Variants in HTR7 observed in about 807,000 individuals in gnomAD.
HTR7 encodes the protein 5-hydroxytryptamine receptor 7, also known as 5-HT-7.
A neutral mutation model predicts 34.0 loss-of-function variants in HTR7; 16 were observed. The ratio of observed to expected loss-of-function variants is 0.47; its 90% CI spans 0.32 to 0.71. HTR7 has a LOEUF of 0.71. HTR7 is among the 30% of genes least tolerant of loss of function. The pLI, the probability that HTR7 is intolerant of heterozygous loss-of-function variation, is 0.04. For synonymous variants in HTR7, 265 were observed against 260.2 expected, an observed-to-expected ratio of 1.02 and a Z score of -0.18; for missense variants, 504 against 625.5, an observed-to-expected ratio of 0.81 and a Z score of 2.07.
chr10:90,804,964 T>G (rs937205216), intron 1 of HTR7, among the ~76,000 whole-genome samples: 1 of 152,164 alleles, frequency 6.6e-6, no homozygotes. Flanking sequence ...GGGAGGAAAA[T>G]TTTGTTTTTC....
chr10:90,749,256 A>G lies in HTR7; in HGVS notation c.878T>C (p.Val293Ala), dbSNP rs1169247802. 6.2e-7 allele frequency: 1 copy of G among 1,614,044 alleles called. No individual in the cohort carries two copies. Among genetic ancestry groups the G allele is most frequent in the South Asian group, 1.1e-5 (1 of 91,074 alleles). ...CTCTTCCACCTCCTTCTGGAGCTTC[A>G]CTATGCCATTCAGGGCGATGACGCT... is the stretch of plus-strand genomic sequence containing the variant. ...PDSVIALNGI[V>A]KLQKEVEECA... Residue 293 changes from valine (V) to alanine (A), a missense_variant, in exon 2 of 4, where the codon GTG becomes GCG. By Grantham distance (64) the Val-to-Ala change is moderately conservative. This residue lies in a region of HTR7 where 57 missense variants were observed against 47.5 expected (regional missense o/e 1.20). Coordinates refer to ENST00000336152, the MANE Select transcript of HTR7 (RefSeq NM_019859.4). This position sits in a 1 kb window ranked among gnomAD's most constrained non-coding sequence, Gnocchi z 4.2.
At chr10:90,844,660 T>A (rs992253618) in intron 1 of HTR7, among the ~76,000 whole-genome samples, 1 of 131,566 alleles carries the variant, frequency 7.6e-6, no homozygotes, top group Non-Finnish European at 1.5e-5. Flanking sequence ...CCGGGAGGCG[T>A]AGCTTGCAGT....
intron 1 of HTR7, among the ~76,000 whole-genome samples, chr10:90,808,401 T>A (rs1845737823): frequency 6.6e-6 from 1 of 152,014 alleles, no homozygotes; most frequent in Admixed American, 6.6e-5. Flanking sequence ...TCCCAACCCC[T>A]TCTCCTTCAT....
At chr10:90,766,710 C>T (rs1433925228) in intron 1 of HTR7, among the ~76,000 whole-genome samples, 1 of 152,026 alleles carries the variant, frequency 6.6e-6, no homozygotes, top group Admixed American at 6.6e-5. Flanking sequence ...CAGGTCTTTC[C>T]TTTGTGTTTA....
intron 1 of HTR7, among the ~76,000 whole-genome samples, chr10:90,820,953 T>C (rs1295106603): frequency 1.3e-5 from 2 of 152,150 alleles, no homozygotes; most frequent in African/African-American, 2.4e-5. Flanking sequence ...TCAACCCAGT[T>C]TTACAATGTG....
intron 1 of HTR7, among the ~76,000 whole-genome samples, chr10:90,783,226 A>C (rs1845334297): frequency 6.6e-6 from 1 of 152,130 alleles, no homozygotes; most frequent in Admixed American, 6.5e-5. Flanking sequence ...TAGCCCCATG[A>C]GTGCCTGCTA....
chr10:90,776,955 G>C (rs532636290), intron 1 of HTR7, among the ~76,000 whole-genome samples: 14 of 152,248 alleles, frequency 9.2e-5, no homozygotes, highest in Admixed American at 2.6e-4. Context: ...ATTCATTATG[G>C]CATGGCAAAT....
At chr10:90,794,103 A>C (rs548027706) in intron 1 of HTR7, among the ~76,000 whole-genome samples, 31 of 152,320 alleles carry the variant, frequency 2.0e-4, no homozygotes, top group Admixed American at 2.0e-3. Flanking sequence ...CTTCAATCCA[A>C]TCAAATTGAC....
chr10:90,758,330 G>A (rs1396550814), intron 1 of HTR7, among the ~76,000 whole-genome samples: 2 of 59,632 alleles, frequency 3.4e-5, no homozygotes, highest in African/African-American at 6.9e-5. Context: ...GGGCGACAAA[G>A]CAAGGCTCTG....
chr10:90,771,268 C>T (rs1845105477), intron 1 of HTR7, among the ~76,000 whole-genome samples: 2 of 152,314 alleles, frequency 1.3e-5, no homozygotes, highest in South Asian at 4.1e-4. Flanking sequence ...CAGTAAAGCT[C>T]CTCTTCGTCT....
chr10:90,754,217 A>G lies in HTR7; in HGVS notation c.540-4623T>C, dbSNP rs1275606648. On this transcript the variant is annotated intron_variant, in intron 1 of 3. Transcript: ENST00000336152. ...TGTTTTATTTGATTAGCTTGTCAAA[A>G]GTACTTTATTAGAATACATTCATAA... is the stretch of plus-strand genomic sequence containing the variant. 2.6e-5 allele frequency among the ~76,000 whole-genome samples: 4 copies of G among 152,108 alleles called. No individual in the cohort carries two copies. In the South Asian group the frequency reaches 6.2e-4, roughly 24 times the overall value.
chr10:90,811,118 C>T (rs1025699269), intron 1 of HTR7, among the ~76,000 whole-genome samples: 3 of 152,182 alleles, frequency 2.0e-5, no homozygotes, highest in African/African-American at 7.2e-5. Context: ...CGCTCCCTGA[C>T]TCATCCCAAC....
intron 1 of HTR7, among the ~76,000 whole-genome samples, chr10:90,805,607 G>A (rs1326062677): frequency 6.6e-6 from 1 of 152,156 alleles, no homozygotes; most frequent in Non-Finnish European, 1.5e-5. Flanking sequence ...ATGTAGAGTT[G>A]CCTAGCTAAT....
intron 1 of HTR7, among the ~76,000 whole-genome samples, chr10:90,833,873 C>T (rs1846214275): frequency 6.6e-6 from 1 of 152,064 alleles, no homozygotes; most frequent in South Asian, 2.1e-4. Flanking sequence ...TCACATAATG[C>T]TATTTGAAAG....
At chr10:90,768,413 C>T (rs1845055780) in intron 1 of HTR7, among the ~76,000 whole-genome samples, 1 of 152,058 alleles carries the variant, frequency 6.6e-6, no homozygotes, top group African/African-American at 2.4e-5. Flanking sequence ...ATTGAGAAAC[C>T]TTGCTTCAAA....
intron 1 of HTR7, among the ~76,000 whole-genome samples, chr10:90,754,012 T>A (rs1340155092): frequency 6.6e-6 from 1 of 152,084 alleles, no homozygotes; most frequent in Non-Finnish European, 1.5e-5. Context: ...TTAATGATTT[T>A]AAATTTCCTC....
chr10:90,759,786 T>A (rs1255774009), intron 1 of HTR7, among the ~76,000 whole-genome samples: 1 of 149,094 alleles, frequency 6.7e-6, no homozygotes, highest in East Asian at 2.0e-4. Flanking sequence ...AAAGTAAAAA[T>A]AATATAAGCC....
intron 1 of HTR7, among the ~76,000 whole-genome samples, chr10:90,827,770 C>T (rs773266347): frequency 6.6e-6 from 1 of 152,172 alleles, no homozygotes; most frequent in Non-Finnish European, 1.5e-5. Flanking sequence ...AACCCCAATA[C>T]AATGATAGCA....
intron 1 of HTR7, among the ~76,000 whole-genome samples, chr10:90,814,640 G>C (rs939723632): frequency 2.0e-5 from 3 of 152,180 alleles, no homozygotes; most frequent in South Asian, 2.1e-4. Flanking sequence ...AGAAATGAGA[G>C]AGAAACATGG....
Sources: allele counts gnomAD v4.1 joint callset (sites outside exome capture counted in the v4.1 genomes callset), GRCh38; gene constraint gnomAD v4.1.1; regional missense constraint gnomAD v4.1.1; non-coding constraint Gnocchi (gnomAD v3.1); transcripts MANE v1.5; gene names NCBI Gene and HGNC (gene_info 2026-07-23, HGNC 2026-07-21).